Variants in RPGR observed in about 807,000 individuals in gnomAD.
RPGR encodes the protein X-linked retinitis pigmentosa GTPase regulator.
RPGR carries 10 observed loss-of-function variants against 56.3 expected under a neutral mutation model. The observed-to-expected ratio is 0.18, with a 90% confidence interval of 0.11 to 0.30. RPGR has a LOEUF of 0.30. Ranked by LOEUF, RPGR falls within the 10% of genes least tolerant of loss-of-function variation. RPGR has a pLI of 1.00. For missense variants in RPGR, 538 were observed against 590.9 expected, an observed-to-expected ratio of 0.91 and a Z score of 0.93; for synonymous variants, 197 against 212.9, an observed-to-expected ratio of 0.93 and a Z score of 0.65.
intron 15 of RPGR, among the ~76,000 whole-genome samples, chrX:38,283,536 CAGA>C (rs947082123): frequency 3.6e-5 from 4 of 111,746 alleles, no homozygotes; most frequent in East Asian, 2.8e-4. Flanking sequence ...AGTACAAAAC[CAGA>C]AGAAGGGCTT....
At chrX:38,298,401 A>G (rs904214064) in intron 10 of RPGR, 6 of 321,695 alleles carry the variant, frequency 1.9e-5, no homozygotes, top group Non-Finnish European at 3.6e-5. Context: ...TTGTTTTCCC[A>G]TTTCATTGTT....
At chrX:38,316,266 C>T (rs1048072855) in intron 6 of RPGR, among the ~76,000 whole-genome samples, 3 of 107,240 alleles carry the variant, frequency 2.8e-5, no homozygotes, top group African/African-American at 1.0e-4. Flanking sequence ...TGAATTATAT[C>T]TCAATAAAGC....
At chrX:38,278,761 C>G (rs763062377) in intron 15 of RPGR, among the ~76,000 whole-genome samples, 24 of 112,117 alleles carry the variant, frequency 2.1e-4, no homozygotes, top group Non-Finnish European at 3.9e-4. Flanking sequence ...CTATGCCCCT[C>G]TTTTCACAGA....
chrX:38,303,582 C>T, intron 8 of RPGR: 1 of 273,261 alleles, frequency 3.7e-6, no homozygotes, highest in East Asian at 5.2e-5. Context: ...TTAAGGGATA[C>T]ACAACAACTC....
chrX:38,315,878 T>C (rs1302714712), intron 6 of RPGR, among the ~76,000 whole-genome samples: 1 of 106,525 alleles, frequency 9.4e-6, no homozygotes, highest in Non-Finnish European at 1.9e-5. Context: ...TAAACATATA[T>C]CTGTAGTACC....
intron 6 of RPGR, among the ~76,000 whole-genome samples, chrX:38,311,926 C>T (rs753315235): frequency 2.7e-4 from 30 of 111,925 alleles, no homozygotes; most frequent in Non-Finnish European, 4.7e-4. Context: ...CTAGGAAGCC[C>T]AAGCTTGACT....
intron 5 of RPGR, 59 bp from the exon 6 acceptor site, chrX:38,317,524 T>C (rs2067849013): frequency 1.0e-6 from 1 of 1,002,490 alleles, no homozygotes; most frequent in Non-Finnish European, 1.4e-6. Flanking sequence ...GCTCTGAAGC[T>C]ATTATACTTC....
Position 38,287,239 on chromosome X carries a change from G to C in RPGR, c.1760C>G (p.Pro587Arg). ...ATCCTCTGCTCCTTCCTTCTCCTCT[G>C]GGATCTCTGACAAGCGATCACATTT... The change falls in exon 15 of 19, where the codon CCA (proline) becomes CGA (arginine). Residue 587 changes from proline (P) to arginine (R), a missense_variant. By Grantham distance (103) the Pro-to-Arg change is moderately radical (BLOSUM62 -2). Around this residue, in one of 2 missense-constraint regions of RPGR, gnomAD observed 357 missense variants for 325.8 expected, o/e 1.10. Coordinates refer to ENST00000642395, the MANE Select transcript of RPGR (RefSeq NM_000328.3). 14 of 1,209,257 alleles carry C rather than the reference G, an allele frequency of 1.2e-5. No individual in the cohort carries two copies. The highest frequency in any genetic ancestry group is 1.6e-5 in the Non-Finnish European group (14 of 895,194).
At chrX:38,278,019 G>C (rs2066966216) in intron 15 of RPGR, among the ~76,000 whole-genome samples, 1 of 111,737 alleles carries the variant, frequency 8.9e-6, no homozygotes, top group African/African-American at 3.3e-5. Context: ...ATAAAGCTTT[G>C]AGATTTTAAA....
chrX:38,287,323 T>C (rs1472199671), intron 14 of RPGR, 78 bp from the exon 15 acceptor site: 2 of 1,186,290 alleles, frequency 1.7e-6, no homozygotes, highest in African/African-American at 3.5e-5. Flanking sequence ...TTCATTTCCT[T>C]GTTCAATCAA....
chrX:38,300,521 G>A (rs191078335), intron 9 of RPGR, among the ~76,000 whole-genome samples: 22 of 111,484 alleles, frequency 2.0e-4, no homozygotes, highest in Admixed American at 6.7e-4. Context: ...CCAAAAAACC[G>A]TATCTTCAAA....
At chrX:38,285,896 C>T in intron 15 of RPGR, 1 of 1,186,663 alleles carries the variant, frequency 8.4e-7, no homozygotes, top group Non-Finnish European at 1.1e-6. Context: ...TCCTCTTCCT[C>T]TCCTTCCCCC....
intron 5 of RPGR, chrX:38,317,719 G>A (rs1002251718): frequency 6.8e-6 from 2 of 295,301 alleles, no homozygotes; most frequent in African/African-American, 2.7e-5. Context: ...TTTTTATCTC[G>A]ATAGCAAAGA....
At chrX:38,314,480 T>C (rs1601967176) in intron 6 of RPGR, among the ~76,000 whole-genome samples, 1 of 111,178 alleles carries the variant, frequency 9.0e-6, no homozygotes, top group African/African-American at 3.3e-5. Context: ...TATCTGAAGA[T>C]TGCTCCACAA....
chrX:38,298,288 T>TAC (rs2067433042), intron 10 of RPGR: 1 of 254,951 alleles, frequency 3.9e-6, no homozygotes, highest in African/African-American at 3.1e-5. Flanking sequence ...AAAAAACACA[T>TAC]ATATATATAT....
At chrX:38,311,437 G>A (rs1217942907) in intron 6 of RPGR, among the ~76,000 whole-genome samples, 1 of 111,810 alleles carries the variant, frequency 8.9e-6, no homozygotes, top group Non-Finnish European at 1.9e-5. Flanking sequence ...GTTCTATAAA[G>A]TAGAATTTAA....
chrX:38,304,863 T>C, intron 7 of RPGR, 73 bp from the exon 8 acceptor site: 1 of 1,018,306 alleles, frequency 9.8e-7, no homozygotes, highest in East Asian at 3.2e-5. Context: ...CTGGAAAAAC[T>C]GTCACGTTCA....
intron 6 of RPGR, among the ~76,000 whole-genome samples, chrX:38,317,024 C>A (rs1601971628): frequency 9.0e-6 from 1 of 110,909 alleles, no homozygotes; most frequent in Admixed American, 9.6e-5. Flanking sequence ...GCCAGTGGGT[C>A]CAGGAAAGGG....
chrX:38,326,203 G>C (rs1469039570), intron 1 of RPGR, among the ~76,000 whole-genome samples: 6 of 111,718 alleles, frequency 5.4e-5, no homozygotes, highest in African/African-American at 2.0e-4. Context: ...GCTCTGCTCT[G>C]GCCCTGTAAT....
Sources: gnomAD v4.1 joint callset for allele counts (sites outside exome capture counted in the v4.1 genomes callset) on GRCh38, gnomAD v4.1.1 for gene constraint, gnomAD v4.1.1 regional missense constraint, MANE v1.5 for transcripts, NCBI Gene and HGNC (gene_info 2026-07-23, HGNC 2026-07-21) for gene names.